KCNJ15: variants seen among roughly 807,000 people sequenced by gnomAD.
KCNJ15 encodes the protein potassium inwardly rectifying channel subfamily J member 15.
A neutral mutation model predicts 23.0 loss-of-function variants in KCNJ15; 14 were observed. That is an observed-to-expected ratio of 0.61 (90% CI 0.40 to 0.95). The LOEUF (loss-of-function observed/expected upper bound fraction) is 0.95. Among genes scored for constraint, KCNJ15 ranks in the 40% least tolerant of loss-of-function variants. The pLI is 0.00. For missense variants in KCNJ15, 388 were observed against 461.8 expected (o/e 0.84, Z 1.46); for synonymous variants, 185 against 183.2 (o/e 1.01, Z -0.08).
intron 1 of KCNJ15, among the ~76,000 whole-genome samples, chr21:38,278,788 C>A (rs1444058950): frequency 1.3e-5 from 2 of 152,152 alleles, no homozygotes; most frequent in Non-Finnish European, 2.9e-5. Context: ...TCTGCATGAC[C>A]TGACCAGGTA....
chr21:38,259,614 T>C (rs1195015561), intron 1 of KCNJ15, among the ~76,000 whole-genome samples: 2 of 152,210 alleles, frequency 1.3e-5, no homozygotes, highest in East Asian at 1.9e-4. Flanking sequence ...TTGTTGCTTA[T>C]TCATGGGCAA....
At chr21:38,249,193 G>A (rs1326046834) in intron 1 of KCNJ15, among the ~76,000 whole-genome samples, 1 of 152,068 alleles carries the variant, frequency 6.6e-6, no homozygotes. Flanking sequence ...GATTTGACTG[G>A]CAAGATAAGA....
chr21:38,284,141 C>T (rs984643785), intron 1 of KCNJ15, among the ~76,000 whole-genome samples: 17 of 152,218 alleles, frequency 1.1e-4, no homozygotes, highest in Non-Finnish European at 2.9e-5. Context: ...CTCCAGTGCA[C>T]ACCTTCAAAC....
chr21:38,281,329 A>G (rs962376620), intron 1 of KCNJ15, among the ~76,000 whole-genome samples: 1 of 152,164 alleles, frequency 6.6e-6, no homozygotes, highest in Non-Finnish European at 1.5e-5. Context: ...CAGGTTTATT[A>G]AACAAGAATA....
At chr21:38,251,122 A>G (rs1979802839) in intron 1 of KCNJ15, among the ~76,000 whole-genome samples, 1 of 152,184 alleles carries the variant, frequency 6.6e-6, no homozygotes, top group Non-Finnish European at 1.5e-5. Context: ...AGGCGGGATT[A>G]CTCTGGTTGC....
intron 1 of KCNJ15, among the ~76,000 whole-genome samples, chr21:38,243,830 A>G (rs1448250617): frequency 3.3e-5 from 5 of 152,192 alleles, no homozygotes; most frequent in Non-Finnish European, 7.3e-5. Flanking sequence ...CTTTATTTGC[A>G]AAAAACAAAT....
At chr21:38,273,079 A>C (rs1982271247) in intron 1 of KCNJ15, among the ~76,000 whole-genome samples, 1 of 152,364 alleles carries the variant, frequency 6.6e-6, no homozygotes, top group Middle Eastern at 3.4e-3. Flanking sequence ...CTTTGATTTC[A>C]GTGACAAGAT....
intron 1 of KCNJ15, among the ~76,000 whole-genome samples, chr21:38,274,572 G>A (rs1214538269): frequency 1.3e-5 from 2 of 152,114 alleles, no homozygotes; most frequent in Admixed American, 6.5e-5. Flanking sequence ...AGTAGGTGAT[G>A]GGTAAATACA....
intron 1 of KCNJ15, among the ~76,000 whole-genome samples, chr21:38,257,905 A>G (rs1486312407): frequency 6.6e-6 from 1 of 152,208 alleles, no homozygotes; most frequent in East Asian, 1.9e-4. Context: ...AGGAAATAAG[A>G]ATTTATTGTT....
intron 1 of KCNJ15, among the ~76,000 whole-genome samples, chr21:38,262,237 C>G (rs193292789): frequency 6.6e-6 from 1 of 152,180 alleles, no homozygotes; most frequent in Non-Finnish European, 1.5e-5. Flanking sequence ...TTCCTACCAA[C>G]GCCATTCTCA....
chr21:38,245,842 A>G (rs1241098993), intron 1 of KCNJ15, among the ~76,000 whole-genome samples: 1 of 152,180 alleles, frequency 6.6e-6, no homozygotes. Context: ...GGTGTGAACC[A>G]TTAGTTCAGC....
Position 38,300,114 on chromosome 21 carries a change from G to A in KCNJ15, c.853G>A (p.Ala285Thr), listed in dbSNP as rs760835708. Residue 285 changes from alanine to threonine, a missense_variant, in exon 3 of 3, where the codon GCC (alanine) becomes ACC (threonine). Transcript: ENST00000398938. ...GTTTGAGCTTGTGGTCCTCCTCAAT[G>A]CCACTGTGGAATCCACCAGCGCTGT... ...KEFELVVLLNATVESTSAVCQ... is the reference protein window; with the variant it reads ...KEFELVVLLNTTVESTSAVCQ... 1.2e-6 allele frequency: 2 copies of A among 1,614,152 alleles called. No individual in the cohort carries two copies. Among genetic ancestry groups the A allele is most frequent in the East Asian group, 2.2e-5 (1 of 44,880 alleles).
At chr21:38,246,342 A>C (rs868767625) in intron 1 of KCNJ15, among the ~76,000 whole-genome samples, 1 of 152,244 alleles carries the variant, frequency 6.6e-6, no homozygotes, top group South Asian at 2.1e-4. Context: ...GCCAATTTCA[A>C]TCAGATCCAG....
chr21:38,239,804 T>C (rs934879966), intron 1 of KCNJ15, among the ~76,000 whole-genome samples: 7 of 152,198 alleles, frequency 4.6e-5, no homozygotes, highest in African/African-American at 1.7e-4. Flanking sequence ...TAGAAAACAT[T>C]TATTTTATGT....
chr21:38,270,077 T>A (rs1413147986), intron 1 of KCNJ15, among the ~76,000 whole-genome samples: 1 of 152,194 alleles, frequency 6.6e-6, no homozygotes, highest in Admixed American at 6.5e-5. Flanking sequence ...CCCTTTTCTA[T>A]TAGAATCTCA....
intron 1 of KCNJ15, among the ~76,000 whole-genome samples, chr21:38,275,519 CAA>C (rs10709944): frequency 0.39 from 34,033 of 87,984 alleles, 5,848 homozygotes; most frequent in Non-Finnish European, 0.48. Context: ...GAAACTCCGT[CAA>C]AAAAAAAAAA....
Position 38,247,559 on chromosome 21 carries a change from TGGATGGA to T in KCNJ15, c.-398-9486_-398-9480del, listed in dbSNP as rs1601138005. Among the ~76,000 whole-genome samples the T allele has an allele frequency of 7.3e-5, 11 of 151,534 alleles. No homozygotes were observed. The East Asian group carries it at 2.1e-3, about 29-fold the overall frequency. On this transcript the variant is annotated intron_variant, in intron 1 of 4. Transcript: ENST00000547341. ...ATGGATGGATGGATGGATGGATGGA[TGGATGGA>T]TGGAAAGATGCATGCATGCATAGGT...
intron 1 of KCNJ15, among the ~76,000 whole-genome samples, chr21:38,296,055 TGA>T (rs1401143094): frequency 2.6e-5 from 4 of 152,070 alleles, no homozygotes; most frequent in Non-Finnish European, 5.9e-5. Context: ...TGTGTGTGTG[TGA>T]GAGACATAAA....
At chr21:38,274,535 T>A (rs151047035) in intron 1 of KCNJ15, among the ~76,000 whole-genome samples, 1 of 152,324 alleles carries the variant, frequency 6.6e-6, no homozygotes, top group Admixed American at 6.5e-5. Flanking sequence ...GACTGTTATC[T>A]CCCCTGTGTC....
Sources: gnomAD v4.1 joint callset for allele counts (sites outside exome capture counted in the v4.1 genomes callset) on GRCh38, gnomAD v4.1.1 for gene constraint, MANE v1.5 for transcripts, NCBI Gene and HGNC (gene_info 2026-07-23, HGNC 2026-07-21) for gene names.